PRR16: variants seen among roughly 807,000 people sequenced by gnomAD.
The protein encoded by PRR16 is proline rich 16.
A neutral mutation model predicts 18.2 loss-of-function variants in PRR16; 6 were observed. The observed-to-expected ratio is 0.33, with a 90% CI of 0.18 to 0.65. PRR16 has a LOEUF of 0.65. Among genes scored for constraint, PRR16 ranks in the 30% least tolerant of loss-of-function variants. PRR16 has a pLI of 0.74. For missense variants in PRR16, 412 were observed against 376.6 expected (o/e 1.09, Z -0.78); for synonymous variants, 151 against 147.8 (o/e 1.02, Z -0.16).
At chr5:120,632,074 C>G (rs1436014274) in intron 1 of PRR16, among the ~76,000 whole-genome samples, 1 of 152,178 alleles carries the variant, frequency 6.6e-6, no homozygotes, top group Admixed American at 6.5e-5. Context: ...TGTGCAGATA[C>G]TCCCCAGTAC....
chr5:120,695,227 A>G, the PRR16 span, among the ~76,000 whole-genome samples: 1 of 152,240 alleles, frequency 6.6e-6, no homozygotes, highest in Non-Finnish European at 1.5e-5. Context: ...TAATGACTAT[A>G]TCTTATGTGA....
chr5:120,525,610 CTTT>C (rs529926112), intron 1 of PRR16, among the ~76,000 whole-genome samples: 1 of 129,068 alleles, frequency 7.7e-6, no homozygotes. Flanking sequence ...ATCAATATTG[CTTT>C]TTTTTTTTTT....
At chr5:120,721,622 T>C in the PRR16 span, among the ~76,000 whole-genome samples, 1 of 152,014 alleles carries the variant, frequency 6.6e-6, no homozygotes, top group Admixed American at 6.6e-5. Context: ...TGTGAGCAAG[T>C]AGTGGAAGGA....
chr5:120,596,877 A>T (rs1561565495), intron 1 of PRR16, among the ~76,000 whole-genome samples: 2 of 151,748 alleles, frequency 1.3e-5, no homozygotes, highest in Non-Finnish European at 2.9e-5. Flanking sequence ...ATTATGCAAC[A>T]GTCTTCTTTC....
chr5:120,512,215 C>T (rs141112272), intron 1 of PRR16, among the ~76,000 whole-genome samples: 7 of 152,322 alleles, frequency 4.6e-5, no homozygotes, highest in Non-Finnish European at 8.8e-5. Flanking sequence ...TCAAGAGACA[C>T]ATCTCCTTCC....
chr5:120,743,558 G>A, the PRR16 span, among the ~76,000 whole-genome samples: 1 of 152,070 alleles, frequency 6.6e-6, no homozygotes, highest in Admixed American at 6.6e-5. Context: ...TTTTACAATG[G>A]TAAGGAACTT....
the PRR16 span, among the ~76,000 whole-genome samples, chr5:120,770,924 A>ACTCTCTCTCTCTCT: frequency 1.5e-3 from 57 of 38,526 alleles, no homozygotes; most frequent in African/African-American, 4.8e-3. Context: ...ACTCATTGGA[A>ACTCTCTCTCTCTCT]CACTCTCTCT....
chr5:120,776,445 CTAAG>C, the PRR16 span, among the ~76,000 whole-genome samples: 1 of 151,964 alleles, frequency 6.6e-6, no homozygotes, highest in Admixed American at 6.6e-5. Context: ...TTGCTTAATA[CTAAG>C]TAATAGAAAA....
At chr5:120,747,970 T>A in the PRR16 span, among the ~76,000 whole-genome samples, 2 of 152,146 alleles carry the variant, frequency 1.3e-5, no homozygotes, top group Non-Finnish European at 2.9e-5. Flanking sequence ...TTTATAATTA[T>A]ATGAAAGTAT....
intron 1 of PRR16, among the ~76,000 whole-genome samples, chr5:120,582,893 A>T (rs1753319832): frequency 6.6e-6 from 1 of 152,266 alleles, no homozygotes; most frequent in Non-Finnish European, 1.5e-5. Context: ...TTCTAAAGCA[A>T]GGTGGCTTGA....
chr5:120,657,315 G>A (rs887667929), intron 1 of PRR16, among the ~76,000 whole-genome samples: 1 of 151,856 alleles, frequency 6.6e-6, no homozygotes. Context: ...TCTGATAAAC[G>A]GCAGCTTGAA....
chr5:120,616,477 C>T (rs1561575907), intron 1 of PRR16, among the ~76,000 whole-genome samples: 1 of 152,138 alleles, frequency 6.6e-6, no homozygotes, highest in Non-Finnish European at 1.5e-5. Flanking sequence ...CCCATGACCC[C>T]AGAGTATGTT....
At chr5:120,584,082 G>T (rs1210809321) in intron 1 of PRR16, among the ~76,000 whole-genome samples, 1 of 152,106 alleles carries the variant, frequency 6.6e-6, no homozygotes, top group African/African-American at 2.4e-5. Context: ...GTAAAAGCAA[G>T]GGAGGTCTTC....
chr5:120,504,521 G>A lies in PRR16; in HGVS notation c.159+39876G>A, dbSNP rs138375305. 5.9e-3 allele frequency among the ~76,000 whole-genome samples: 899 copies of A among 152,234 alleles called. 12 individuals carry two copies. The highest frequency in any genetic ancestry group is 0.02 in the African/African-American group (812 of 41,550). On this transcript the variant is annotated intron_variant, in intron 1 of 1. Coordinates refer to ENST00000407149, the MANE Select transcript of PRR16 (RefSeq NM_001300783.2). Reference sequence around the variant, plus strand: ...GAAGTAGTCTGTCACATACTGACTGGGATGACATGTCTTTGAGAAGTAGTT... The same window carrying A: ...GAAGTAGTCTGTCACATACTGACTGAGATGACATGTCTTTGAGAAGTAGTT...
chr5:120,663,594 A>G (rs939602840), intron 1 of PRR16, among the ~76,000 whole-genome samples: 4 of 152,162 alleles, frequency 2.6e-5, no homozygotes, highest in African/African-American at 4.8e-5. Flanking sequence ...TGCCATCTTA[A>G]GTAGACTTTG....
intron 1 of PRR16, among the ~76,000 whole-genome samples, chr5:120,600,034 T>A (rs951045624): frequency 1.3e-5 from 2 of 151,930 alleles, no homozygotes; most frequent in African/African-American, 4.8e-5. Flanking sequence ...GAGTTTTATG[T>A]ACATCTAGGT....
At chr5:120,661,756 C>T (rs1013390103) in intron 1 of PRR16, among the ~76,000 whole-genome samples, 6 of 151,986 alleles carry the variant, frequency 3.9e-5, no homozygotes, top group Non-Finnish European at 8.8e-5. Flanking sequence ...TCTGTATTTC[C>T]AAAGTCTGTA....
the PRR16 span, among the ~76,000 whole-genome samples, chr5:120,788,879 T>C: frequency 6.6e-6 from 1 of 152,064 alleles, no homozygotes; most frequent in Non-Finnish European, 1.5e-5. Flanking sequence ...TTAGATCATT[T>C]AGTACTAAAA....
chr5:120,703,635 C>A, the PRR16 span, among the ~76,000 whole-genome samples: 2 of 152,202 alleles, frequency 1.3e-5, no homozygotes, highest in African/African-American at 4.8e-5. Flanking sequence ...TTCCTATTCT[C>A]ATGGCTTTGT....
Sources: allele counts gnomAD v4.1 joint callset (sites outside exome capture counted in the v4.1 genomes callset), GRCh38; gene constraint gnomAD v4.1.1; transcripts MANE v1.5; gene names NCBI Gene and HGNC (gene_info 2026-07-23, HGNC 2026-07-21).